The following IFNLR1 variants were observed in gnomAD, a reference collection of about 807,000 sequenced individuals.
The protein encoded by IFNLR1 is interferon lambda receptor 1.
In IFNLR1, 28 loss-of-function variants were observed where a neutral mutation model predicts 52.5. The observed-to-expected ratio is 0.53, with a 90% CI of 0.40 to 0.73. IFNLR1 has a LOEUF of 0.73. Among genes scored for constraint, IFNLR1 ranks in the 30% least tolerant of loss-of-function variants. The probability of loss-of-function intolerance (pLI) is 0.00; values close to 1 mark genes in which losing one functional copy is unlikely to be tolerated. For missense variants in IFNLR1, 623 were observed against 659.1 expected (o/e 0.95, Z 0.60); for synonymous variants, 276 against 274.9 (o/e 1.00, Z -0.04).
At chr1:24,158,936 T>A (rs1422217809) in intron 6 of IFNLR1, 116 bp downstream of exon 6, 60 of 1,053,742 alleles carry the variant, frequency 5.7e-5, no homozygotes, top group Non-Finnish European at 7.8e-5. Flanking sequence ...AGATAGATGT[T>A]TTGGTCCAAG....
In IFNLR1 at chr1:24,171,487, T is replaced by TA. The variant is rs1360940365; in HGVS notation, c.183-1887dup. ...GAGAACTAAAGGAAGTTTGAAAATT[T>TA]AAAAAAATATATATTTTTTGAGACA... On this transcript the variant is annotated intron_variant, in intron 2 of 6. Transcript: ENST00000327535. 2.0e-5 allele frequency among the ~76,000 whole-genome samples: 3 copies of TA among 152,288 alleles called. No individual in the cohort carries two copies. The East Asian group carries it at 5.8e-4, about 29-fold the overall frequency.
chr1:24,167,281 C>T (rs1644529932), intron 3 of IFNLR1, among the ~76,000 whole-genome samples: 1 of 152,232 alleles, frequency 6.6e-6, no homozygotes, highest in East Asian at 1.9e-4. Flanking sequence ...CAGACAGAAT[C>T]ACACCACAAG....
At chr1:24,162,855 CTT>C (rs1224034860) in intron 3 of IFNLR1, among the ~76,000 whole-genome samples, 2 of 70,990 alleles carry the variant, frequency 2.8e-5, no homozygotes, top group Non-Finnish European at 5.5e-5. Context: ...TTCTTTCTTT[CTT>C]TCTTTCTTTC....
chr1:24,178,752 T>C (rs1194865127), intron 2 of IFNLR1, among the ~76,000 whole-genome samples: 3 of 152,096 alleles, frequency 2.0e-5, no homozygotes, highest in South Asian at 2.1e-4. Flanking sequence ...ATCTTGAAAA[T>C]TGATAAAGGA....
At chr1:24,185,480 A>G (rs1557654993) in intron 1 of IFNLR1, among the ~76,000 whole-genome samples, 1 of 152,256 alleles carries the variant, frequency 6.6e-6, no homozygotes, top group Non-Finnish European at 1.5e-5. Flanking sequence ...ATGGAAATCC[A>G]TACGGGTTGC....
intron 1 of IFNLR1, among the ~76,000 whole-genome samples, chr1:24,183,018 C>T (rs1037332164): frequency 4.6e-5 from 7 of 152,168 alleles, no homozygotes; most frequent in African/African-American, 1.7e-4. Context: ...GCTTTACCTA[C>T]TTCTGCAGGT....
chr1:24,160,979 G>C (rs190155718), intron 4 of IFNLR1, among the ~76,000 whole-genome samples: 71 of 151,358 alleles, frequency 4.7e-4, no homozygotes, highest in Non-Finnish European at 5.9e-4. Flanking sequence ...CCACCACCTC[G>C]GCCTCCCAAA....
At chr1:24,158,178 G>A (rs191258596) in intron 6 of IFNLR1, among the ~76,000 whole-genome samples, 252 of 152,328 alleles carry the variant, frequency 1.7e-3, no homozygotes, top group African/African-American at 5.5e-3. Context: ...GACGCTCCTG[G>A]GCTATTTACC....
chr1:24,173,648 CCT>C (rs1398037481), intron 2 of IFNLR1, among the ~76,000 whole-genome samples: 1 of 150,832 alleles, frequency 6.6e-6, no homozygotes, highest in Non-Finnish European at 1.5e-5. Flanking sequence ...TCCTTCCTCC[CCT>C]CTCTCTCTTT....
Position 24,157,799 on chromosome 1 carries a change from C to T in IFNLR1, c.894G>A (p.Leu298=). The change falls in exon 7 of 7, where the codon CTG becomes CTA. Residue 298 remains leucine (L), a synonymous_variant. Transcript: ENST00000327535. This position sits in a 1 kb window ranked among gnomAD's most constrained non-coding sequence, Gnocchi z 5.1. ...GAGGCGTCGGCCTGACCCCTCTGGT[C>T]AGTTCCTTTTGGGGACAGAGGAACA... is the stretch of plus-strand genomic sequence containing the variant. ...NDLFLCPQKE[L]TRGVRPTPRV... 1 of 1,614,146 alleles carries T rather than the reference C, an allele frequency of 6.2e-7. No individual in the cohort carries two copies. The highest frequency in any genetic ancestry group is 2.2e-5 in the East Asian group (1 of 44,874).
chr1:24,183,157 G>GCC (rs1407372871), intron 1 of IFNLR1, among the ~76,000 whole-genome samples: 2 of 152,040 alleles, frequency 1.3e-5, no homozygotes, highest in Non-Finnish European at 2.9e-5. Flanking sequence ...AAATTCATGA[G>GCC]CCCAAATGTA....
rs769288938 is a variant in IFNLR1 at position 24,169,534 on chromosome 1, T to C, written c.250A>G (p.Met84Val). The change falls in exon 3 of 7, where the codon ATG (methionine) becomes GTG (valine). Residue 84 changes from methionine (M) to valine (V), a missense_variant. By Grantham distance (21) the Met-to-Val change is conservative. Transcript: ENST00000327535. The part of the protein sequence containing the change: ...CAGTKELLCS[M>V]MCLKKQDLYN... ...AGGTCCTGTTTCTTCAGGCACATCA[T>C]AGAACATAGCAGCTCCTTGGTTCCC... The C allele has an allele frequency of 3.5e-5, 57 of 1,614,108 alleles. No homozygotes were observed. Among genetic ancestry groups the C allele is most frequent in the South Asian group, 1.1e-4 (10 of 91,086 alleles).
At position 24,156,785 on chromosome 1, in the gene IFNLR1, C is replaced by T. The variant is rs997471845; in HGVS notation, c.*345G>A. On this transcript the variant is annotated 3_prime_UTR_variant, in exon 7 of 7. Coordinates refer to ENST00000327535, the MANE Select transcript of IFNLR1 (RefSeq NM_170743.4). Reference sequence around the variant, plus strand: ...CTTGGTGGTGTCCGCCCTTGATGTCCGCAGTGACCTGACCTCACCTGTTTC... The same window carrying T: ...CTTGGTGGTGTCCGCCCTTGATGTCTGCAGTGACCTGACCTCACCTGTTTC... 4.5e-5 allele frequency: 12 copies of T among 266,734 alleles called. No homozygotes were observed. The highest frequency in any genetic ancestry group is 1.5e-4 in the South Asian group (2 of 13,280). 16.5% of individuals were successfully genotyped at this position (266,734 alleles called of 1,614,324 possible). A position where few individuals can be genotyped will look rare whatever the true frequency, so the allele number is the denominator to read the frequency against.
At position 24,154,481 on chromosome 1, in the gene IFNLR1, G is replaced by A. The variant is rs1415367204; in HGVS notation, c.*2649C>T. ...GGCAAATTATTATACTGATTATCAT[G>A]CCCTTTCCAAATGCTTCTCCTGGCT... On this transcript the variant is annotated 3_prime_UTR_variant, in exon 7 of 7. Coordinates refer to ENST00000327535, the MANE Select transcript of IFNLR1 (RefSeq NM_170743.4). The A allele has an allele frequency of 6.6e-6, 1 of 152,212 alleles. No homozygotes were observed. Among genetic ancestry groups the A allele is most frequent in the East Asian group, 1.9e-4 (1 of 5,194 alleles). 9.4% of individuals were successfully genotyped at this position (152,212 alleles called of 1,614,324 possible).
At chr1:24,176,969 A>C (rs1342413217) in intron 2 of IFNLR1, among the ~76,000 whole-genome samples, 1 of 152,226 alleles carries the variant, frequency 6.6e-6, no homozygotes, top group Non-Finnish European at 1.5e-5. Context: ...GAGTCCCTAA[A>C]GAAGAAAATC....
At chr1:24,162,715 C>CT (rs1265311229) in intron 3 of IFNLR1, among the ~76,000 whole-genome samples, 2 of 36,776 alleles carry the variant, frequency 5.4e-5, no homozygotes, top group South Asian at 8.4e-4. Flanking sequence ...TCTTTTCTTT[C>CT]TTTCTTTCTT....
Position 24,165,777 on chromosome 1 carries a change from C to T in IFNLR1, c.367+3640G>A, listed in dbSNP as rs185653468. On this transcript the variant is annotated intron_variant, in intron 3 of 6. Transcript: ENST00000327535. ...ATTACTTACATGTTTAGGAAACATC[C>T]ACTGGGTACTGACTAGGTATCAAGC... is the stretch of plus-strand genomic sequence containing the variant. Among the ~76,000 whole-genome samples, 477 of 152,278 alleles carry T rather than the reference C, an allele frequency of 3.1e-3. 1 individual carries two copies. The highest frequency in any genetic ancestry group is 0.011 in the African/African-American group (457 of 41,558).
chr1:24,159,222 C>T (rs770111807), intron 5 of IFNLR1, 40 bp from the exon 6 acceptor site: 1 of 1,611,344 alleles, frequency 6.2e-7, no homozygotes, highest in South Asian at 1.1e-5. Flanking sequence ...ACAACAATGG[C>T]TCTTGTCTAC....
chr1:24,172,527 A>C (rs1644591545), intron 2 of IFNLR1, among the ~76,000 whole-genome samples: 1 of 152,208 alleles, frequency 6.6e-6, no homozygotes, highest in Admixed American at 6.5e-5. Flanking sequence ...GGAATACAAG[A>C]ACAAATTAAC....
Sources: gnomAD v4.1 joint callset for allele counts (sites outside exome capture counted in the v4.1 genomes callset) on GRCh38, gnomAD v4.1.1 for gene constraint, Gnocchi (gnomAD v3.1) non-coding constraint, MANE v1.5 for transcripts, NCBI Gene and HGNC (gene_info 2026-07-23, HGNC 2026-07-21) for gene names.